PTPN3: variants seen among roughly 807,000 people sequenced by gnomAD.
The protein encoded by PTPN3 is protein tyrosine phosphatase non-receptor type 3.
A neutral mutation model predicts 132.7 loss-of-function variants in PTPN3; 96 were observed. The observed-to-expected ratio is 0.72, with a 90% CI of 0.61 to 0.86. The LOEUF is 0.86. PTPN3 is among the 40% of genes least tolerant of loss of function. The pLI, the probability that PTPN3 is intolerant of heterozygous loss-of-function variation, is 0.00. For missense variants in PTPN3, 1,125 were observed against 1,159.6 expected (o/e 0.97, Z 0.43); for synonymous variants, 398 against 429.0 (o/e 0.93, Z 0.89).
Position 109,376,626 on chromosome 9 carries a change from C to T in PTPN3, c.*2930G>A, listed in dbSNP as rs914083599. The T allele has an allele frequency of 1.3e-5, 2 of 152,062 alleles. No homozygotes were observed. The highest frequency in any genetic ancestry group is 2.9e-5 in the Non-Finnish European group (2 of 68,028). 9.4% of individuals were successfully genotyped at this position (152,062 alleles called of 1,614,324 possible). On this transcript the variant is annotated 3_prime_UTR_variant, in exon 26 of 26. Transcript: ENST00000374541. ...TTTAATTAGATCTTTCAGAAAGTGC[C>T]AGAACATAGGATGTAAATGTCTTCT...
chr9:109,519,653 GGTGCAGGGAGGCTGACCC>G, the PTPN3 span, among the ~76,000 whole-genome samples: 6 of 152,124 alleles, frequency 3.9e-5, no homozygotes, highest in South Asian at 6.2e-4. Context: ...GACTCCTCAT[GGTGCAGGGAGGCTGACCC>G]GTGCAGGGAG....
the PTPN3 span, among the ~76,000 whole-genome samples, chr9:109,522,603 C>G: frequency 6.6e-6 from 1 of 152,156 alleles, no homozygotes; most frequent in Non-Finnish European, 1.5e-5. Context: ...ATACGCGTAC[C>G]TGCTAGTGGC....
At chr9:109,455,309 G>C (rs1189067465) in intron 4 of PTPN3, among the ~76,000 whole-genome samples, 1 of 152,178 alleles carries the variant, frequency 6.6e-6, no homozygotes, top group Non-Finnish European at 1.5e-5. Context: ...GGCAACAGGA[G>C]AAGATCAGAT....
At chr9:109,516,737 A>G in the PTPN3 span, among the ~76,000 whole-genome samples, 1 of 152,066 alleles carries the variant, frequency 6.6e-6, no homozygotes. Flanking sequence ...GAAGGCAAAG[A>G]CTCTTGCTAG....
chr9:109,428,858 C>G, intron 10 of PTPN3, 174 bp from the exon 11 acceptor site: 2 of 985,392 alleles, frequency 2.0e-6, no homozygotes, highest in Non-Finnish European at 2.4e-6. Flanking sequence ...CAGGCTAATA[C>G]CAAGTAGCTG....
At chr9:109,512,801 C>T in the PTPN3 span, among the ~76,000 whole-genome samples, 3 of 152,156 alleles carry the variant, frequency 2.0e-5, no homozygotes, top group African/African-American at 4.8e-5. Flanking sequence ...GAAGGGAAAC[C>T]GTGGACACAT....
the PTPN3 span, among the ~76,000 whole-genome samples, chr9:109,532,189 C>T: frequency 1.3e-5 from 2 of 152,142 alleles, no homozygotes; most frequent in African/African-American, 4.8e-5. Context: ...TACAGCTGGC[C>T]ACTCTCAAAA....
Position 109,391,204 on chromosome 9 carries a change from G to A in PTPN3, c.2045-5C>T, listed in dbSNP as rs376383341. 24 of 1,610,760 alleles carry A rather than the reference G, an allele frequency of 1.5e-5. No homozygotes were observed. The highest frequency in any genetic ancestry group is 1.6e-4 in the Middle Eastern group (1 of 6,074). On this transcript the variant is annotated splice_region_variant and splice_polypyrimidine_tract_variant and intron_variant, in intron 20 of 25. Transcript: ENST00000374541. ...ATAATACCCGGGTGGTGTCATCTGC[G>A]GGGAAGAGAAAAATTTACCGATTAT...
At chr9:109,388,293 T>C (rs1181595490) in intron 22 of PTPN3, among the ~76,000 whole-genome samples, 1 of 152,092 alleles carries the variant, frequency 6.6e-6, no homozygotes, top group South Asian at 2.1e-4. Flanking sequence ...GGAGGAAACA[T>C]GCACCCTGGA....
chr9:109,534,022 A>G, the PTPN3 span: 9 of 768,606 alleles, frequency 1.2e-5, no homozygotes, highest in Non-Finnish European at 2.2e-5. Flanking sequence ...CTCCATTTCT[A>G]CACTGCGAAG....
intron 14 of PTPN3, among the ~76,000 whole-genome samples, chr9:109,412,274 CCACAGCT>C (rs758399757): frequency 3.9e-5 from 6 of 151,912 alleles, no homozygotes; most frequent in Non-Finnish European, 8.8e-5. Flanking sequence ...CATTACATGA[CCACAGCT>C]CACTGCAGCC....
the PTPN3 span, among the ~76,000 whole-genome samples, chr9:109,521,214 A>G: frequency 6.6e-6 from 1 of 152,114 alleles, no homozygotes; most frequent in Non-Finnish European, 1.5e-5. Flanking sequence ...GCTGGAGTGC[A>G]GTGGTGGAAT....
At chr9:109,497,606 G>A (rs1297924925) in intron 1 of PTPN3, among the ~76,000 whole-genome samples, 2 of 152,180 alleles carry the variant, frequency 1.3e-5, no homozygotes, top group Non-Finnish European at 2.9e-5. Context: ...GGAATTTCGG[G>A]GGGGCTGGGC....
chr9:109,382,558 C>T (rs2131588946), intron 23 of PTPN3, 111 bp from the exon 24 acceptor site: 1 of 1,247,868 alleles, frequency 8.0e-7, no homozygotes, highest in Non-Finnish European at 1.1e-6. Context: ...TCCCTCTGCG[C>T]ACAGCCCTGC....
At chr9:109,454,442 A>G in intron 5 of PTPN3, 54 bp downstream of exon 5, 3 of 1,407,414 alleles carry the variant, frequency 2.1e-6, no homozygotes, top group Non-Finnish European at 3.0e-6. Context: ...GTACATTTTT[A>G]GTGGTTACTC....
At chr9:109,394,702 T>C (rs996248938) in intron 19 of PTPN3, among the ~76,000 whole-genome samples, 9 of 152,168 alleles carry the variant, frequency 5.9e-5, no homozygotes, top group African/African-American at 1.9e-4. Context: ...ATGATGATCA[T>C]ATAGTAGCAA....
At position 109,379,434 on chromosome 9, in the gene PTPN3, T is replaced by G; in HGVS notation, c.*122A>C. On this transcript the variant is annotated 3_prime_UTR_variant, in exon 26 of 26. Coordinates refer to ENST00000374541, the MANE Select transcript of PTPN3 (RefSeq NM_002829.4). ...TCTATAGAAGTTTAAAGTGCCTGGG[T>G]TCAGAGGTGCCCATTCCTTTCCCAC... The G allele has an allele frequency of 1.2e-6, 1 of 822,070 alleles. No homozygotes were observed. Among genetic ancestry groups the G allele is most frequent in the Admixed American group, 2.1e-5 (1 of 47,090 alleles). The allele number at this position is 822,070 out of a possible 1,614,324, so 50.9% of individuals were successfully genotyped here.
At chr9:109,454,292 T>C (rs951863899) in intron 5 of PTPN3, among the ~76,000 whole-genome samples, 1 of 152,048 alleles carries the variant, frequency 6.6e-6, no homozygotes, top group Non-Finnish European at 1.5e-5. Flanking sequence ...AATCAGGAGA[T>C]AAGAGAAGCA....
At chr9:109,515,016 G>A in the PTPN3 span, among the ~76,000 whole-genome samples, 1 of 151,958 alleles carries the variant, frequency 6.6e-6, no homozygotes, top group Non-Finnish European at 1.5e-5. Context: ...GCCAGAGCTG[G>A]CAGATACAAG....
Sources: allele counts gnomAD v4.1 joint callset (sites outside exome capture counted in the v4.1 genomes callset), GRCh38; gene constraint gnomAD v4.1.1; transcripts MANE v1.5; gene names NCBI Gene and HGNC (gene_info 2026-07-23, HGNC 2026-07-21).